Variants in ARHGAP10 observed in about 807,000 individuals in gnomAD.
ARHGAP10 encodes rho GTPase-activating protein 10.
Under a neutral mutation model 108.6 loss-of-function variants are expected in ARHGAP10, and 87 were observed. The observed-to-expected ratio is 0.80, with a 90% CI of 0.67 to 0.96. The LOEUF (loss-of-function observed/expected upper bound fraction) is 0.96. Among genes scored for constraint, ARHGAP10 ranks in the 40% least tolerant of loss-of-function variants. The probability of loss-of-function intolerance (pLI) is 0.00; values close to 1 mark genes in which losing one functional copy is unlikely to be tolerated. For synonymous variants in ARHGAP10, 347 were observed against 341.1 expected, an observed-to-expected ratio of 1.02 and a Z score of -0.19; for missense variants, 939 against 954.5, an observed-to-expected ratio of 0.98 and a Z score of 0.21.
chr4:147,782,964 A>G (rs191982032), intron 1 of ARHGAP10, among the ~76,000 whole-genome samples: 12,363 of 139,388 alleles, frequency 0.089, 1,620 homozygotes, highest in African/African-American at 0.28. Flanking sequence ...TATATATAAT[A>G]TATTAAATTA....
intron 3 of ARHGAP10, among the ~76,000 whole-genome samples, chr4:147,842,183 C>T (rs187630666): frequency 6.6e-6 from 1 of 152,268 alleles, no homozygotes; most frequent in East Asian, 1.9e-4. Context: ...GATCCACCCG[C>T]CTCGGCCTCC....
At chr4:147,863,854 C>T (rs961730134) in intron 5 of ARHGAP10, 9 of 152,278 alleles carry the variant, frequency 5.9e-5, no homozygotes, top group African/African-American at 1.9e-4. Context: ...ATCTTGCATT[C>T]CCACTAATGA....
chr4:147,770,016 A>T (rs1428891907), intron 1 of ARHGAP10, among the ~76,000 whole-genome samples: 1 of 152,242 alleles, frequency 6.6e-6, no homozygotes, highest in Non-Finnish European at 1.5e-5. Flanking sequence ...TATGAAAAGC[A>T]AGAAAAAAGT....
intron 1 of ARHGAP10, among the ~76,000 whole-genome samples, chr4:147,817,441 A>T (rs1314266666): frequency 6.6e-6 from 1 of 152,196 alleles, no homozygotes; most frequent in Non-Finnish European, 1.5e-5. Flanking sequence ...GCTCTGCTAT[A>T]AGAAATAATT....
chr4:147,893,556 A>G (rs1285140619), intron 10 of ARHGAP10, among the ~76,000 whole-genome samples: 2 of 147,852 alleles, frequency 1.4e-5, no homozygotes, highest in African/African-American at 4.9e-5. Context: ...CATGTATTTC[A>G]CATATTTCAT....
rs375983176 is a variant in ARHGAP10, at chr4:147,770,987, ATCT to A, written c.154+38537_154+38539del. ...CCTCTGTGCCTGTATCTTTGTCCTA[ATCT>A]TCTTTTCTTTTAAGGAGACCAGTAA... On this transcript the variant is annotated intron_variant, in intron 1 of 22. Coordinates refer to ENST00000336498, the MANE Select transcript of ARHGAP10 (RefSeq NM_024605.4). Among the ~76,000 whole-genome samples the A allele has an allele frequency of 6.1e-3, 928 of 152,222 alleles. 5 individuals carry two copies. The highest frequency in any genetic ancestry group is 0.034 in the Middle Eastern group (10 of 294).
At chr4:147,887,434 A>G (rs1037662839) in intron 10 of ARHGAP10, among the ~76,000 whole-genome samples, 2 of 38,138 alleles carry the variant, frequency 5.2e-5, no homozygotes, top group African/African-American at 7.9e-5. Context: ...CTCTTATTTC[A>G]TTCATCTTAA....
At chr4:147,864,083 T>C (rs572131270) in intron 5 of ARHGAP10, 1 of 152,380 alleles carries the variant, frequency 6.6e-6, no homozygotes, top group East Asian at 1.9e-4. Flanking sequence ...TAAAATTAGC[T>C]AAGTTAGGAA....
intron 3 of ARHGAP10, among the ~76,000 whole-genome samples, chr4:147,841,015 G>C (rs1365840530): frequency 6.6e-6 from 1 of 152,252 alleles, no homozygotes. Context: ...TGTAAGTCAA[G>C]TTTCGTTGGA....
chr4:147,813,980 C>T (rs936447863), intron 1 of ARHGAP10, among the ~76,000 whole-genome samples: 3 of 152,134 alleles, frequency 2.0e-5, no homozygotes, highest in Non-Finnish European at 2.9e-5. Context: ...GCTGTGTTTT[C>T]CTGATAGCAG....
Position 147,857,538 on chromosome 4 carries a change from T to TC in ARHGAP10, c.385-15_385-14insC. ...TTTTGTTTCTGTTTAATCATAGTTTTTTTTTTATTTGTAGGAAGAAAAAAA... is the reference window on the plus strand; with the variant it reads ...TTTTGTTTCTGTTTAATCATAGTTTTCTTTTTTATTTGTAGGAAGAAAAAAA... On this transcript the variant is annotated splice_polypyrimidine_tract_variant and intron_variant, in intron 4 of 22. Transcript: ENST00000336498. 2 of 1,470,614 alleles carry TC rather than the reference T, an allele frequency of 1.4e-6. No individual in the cohort carries two copies. The highest frequency in any genetic ancestry group is 1.8e-6 in the Non-Finnish European group (2 of 1,108,648). The allele number at this position is 1,470,614 out of a possible 1,614,324, so 91.1% of individuals were successfully genotyped here.
chr4:147,982,052 C>T (rs28607979), intron 18 of ARHGAP10, among the ~76,000 whole-genome samples: 15,083 of 152,010 alleles, frequency 0.099, 1,746 homozygotes, highest in African/African-American at 0.28. Flanking sequence ...AGTCTTTTTT[C>T]AAAAGACAGG....
intron 1 of ARHGAP10, among the ~76,000 whole-genome samples, chr4:147,814,157 A>G (rs977774261): frequency 6.6e-6 from 1 of 152,154 alleles, no homozygotes; most frequent in Non-Finnish European, 1.5e-5. Flanking sequence ...TTCGTACAGC[A>G]CCATGGGCTG....
intron 8 of ARHGAP10, among the ~76,000 whole-genome samples, chr4:147,877,603 A>C (rs1735125810): frequency 6.6e-6 from 1 of 152,168 alleles, no homozygotes; most frequent in African/African-American, 2.4e-5. Context: ...GAAATTGTCA[A>C]CTTCTGCTGG....
chr4:147,844,021 T>TAGAAGAG (rs1299763883), intron 3 of ARHGAP10, among the ~76,000 whole-genome samples: 4 of 152,208 alleles, frequency 2.6e-5, no homozygotes, highest in Non-Finnish European at 2.9e-5. Context: ...TAGGTGTCTC[T>TAGAAGAG]TCTAGGCTGT....
intron 1 of ARHGAP10, among the ~76,000 whole-genome samples, chr4:147,765,054 C>T (rs1729736736): frequency 6.6e-6 from 1 of 152,030 alleles, no homozygotes; most frequent in Admixed American, 6.6e-5. Flanking sequence ...CAACTCATAA[C>T]CTCTGTAGGT....
intron 13 of ARHGAP10, among the ~76,000 whole-genome samples, chr4:147,932,527 A>AT (rs1210086491): frequency 1.3e-5 from 2 of 151,966 alleles, no homozygotes; most frequent in African/African-American, 2.4e-5. Flanking sequence ...GCTGGAGCCC[A>AT]TTTTTCTTAG....
intron 18 of ARHGAP10, among the ~76,000 whole-genome samples, chr4:147,971,812 C>T (rs1016784886): frequency 7.9e-5 from 12 of 152,102 alleles, no homozygotes; most frequent in African/African-American, 2.9e-4. Context: ...AAAACTTAAT[C>T]TGACAGCAGG....
intron 8 of ARHGAP10, among the ~76,000 whole-genome samples, chr4:147,876,480 C>T (rs1489426078): frequency 1.3e-5 from 2 of 151,878 alleles, no homozygotes; most frequent in Non-Finnish European, 2.9e-5. Flanking sequence ...GTAGTCCCAG[C>T]TACTCGGGAG....
Sources: gnomAD v4.1 joint callset for allele counts (sites outside exome capture counted in the v4.1 genomes callset) on GRCh38, gnomAD v4.1.1 for gene constraint, MANE v1.5 for transcripts, NCBI Gene and HGNC (gene_info 2026-07-23, HGNC 2026-07-21) for gene names.